The following AUTS2 variants were observed in gnomAD, a reference collection of about 807,000 sequenced individuals.
AUTS2 encodes activator of transcription and developmental regulator AUTS2, also known as autism susceptibility gene 2 protein.
A neutral mutation model predicts 112.4 loss-of-function variants in AUTS2; 17 were observed. That is an observed-to-expected ratio of 0.15 (90% CI 0.10 to 0.23). The LOEUF is 0.23. Ranked by LOEUF, AUTS2 falls within the 10% of genes least tolerant of loss-of-function variation. The pLI, the probability that AUTS2 is intolerant of heterozygous loss-of-function variation, is 1.00. For missense variants in AUTS2, 1,510 were observed against 1,701.6 expected (o/e 0.89, Z 1.98); for synonymous variants, 751 against 702.7 (o/e 1.07, Z -1.09).
intron 6 of AUTS2, among the ~76,000 whole-genome samples, chr7:70,743,189 C>T (rs932105489): frequency 2.5e-4 from 38 of 152,124 alleles, no homozygotes; most frequent in Admixed American, 8.5e-4. Flanking sequence ...AAATCTGGGC[C>T]GGACACTGTG....
chr7:70,496,365 G>A (rs111161439), intron 5 of AUTS2, among the ~76,000 whole-genome samples: 3 of 88,164 alleles, frequency 3.4e-5, no homozygotes, highest in Admixed American at 1.5e-4. Flanking sequence ...CATCAGCGTC[G>A]ATCACACACC....
intron 5 of AUTS2, among the ~76,000 whole-genome samples, chr7:70,456,993 C>A (rs1304377000): frequency 2.0e-5 from 3 of 152,180 alleles, no homozygotes. Context: ...TTCATCTCCA[C>A]CCCCAAGCAG....
In AUTS2 at chr7:70,462,944, C is replaced by T. The variant is rs141786897; in HGVS notation, c.690+27163C>T. On this transcript the variant is annotated intron_variant, in intron 5 of 18. Coordinates refer to ENST00000342771, the MANE Select transcript of AUTS2 (RefSeq NM_015570.4). ...CTGCACTCCAGCCTGGGTGACAGAG[C>T]GAGACTCCGTCTCAAAAAAAAAAAA... Among the ~76,000 whole-genome samples the T allele has an allele frequency of 3.9e-3, 588 of 150,342 alleles. 6 individuals carry two copies. The highest frequency in any genetic ancestry group is 0.013 in the African/African-American group (529 of 41,068).
At chr7:69,683,286 A>G (rs1796892814) in intron 1 of AUTS2, among the ~76,000 whole-genome samples, 1 of 152,188 alleles carries the variant, frequency 6.6e-6, no homozygotes, top group Admixed American at 6.5e-5. Flanking sequence ...GCTGGTCGCC[A>G]TGATGTCCTG....
At chr7:69,908,201 G>A (rs7781664) in intron 2 of AUTS2, among the ~76,000 whole-genome samples, 12,553 of 152,164 alleles carry the variant, frequency 0.082, 666 homozygotes, top group African/African-American at 0.14. Flanking sequence ...GAGCCCCCGA[G>A]GCTTGGGGTG....
chr7:69,904,017 T>C (rs1400357376), intron 2 of AUTS2, among the ~76,000 whole-genome samples: 1 of 152,200 alleles, frequency 6.6e-6, no homozygotes, highest in Non-Finnish European at 1.5e-5. Flanking sequence ...AGAAGAGGAA[T>C]CCATCCCAGT....
intron 1 of AUTS2, among the ~76,000 whole-genome samples, chr7:69,853,300 T>C (rs1402718257): frequency 6.6e-6 from 1 of 150,964 alleles, no homozygotes; most frequent in Non-Finnish European, 1.5e-5. Flanking sequence ...CTTCACACTT[T>C]ACAACTCCAT....
chr7:69,693,760 G>A (rs1797443293), intron 1 of AUTS2, among the ~76,000 whole-genome samples: 1 of 152,182 alleles, frequency 6.6e-6, no homozygotes. Flanking sequence ...GCTAGTTAGC[G>A]ATAAAGCTGG....
At chr7:70,248,675 T>A (rs1022137159) in intron 4 of AUTS2, among the ~76,000 whole-genome samples, 2 of 152,222 alleles carry the variant, frequency 1.3e-5, no homozygotes, top group Non-Finnish European at 2.9e-5. Flanking sequence ...TGTTTCTTCT[T>A]ACTTCATTTT....
intron 5 of AUTS2, among the ~76,000 whole-genome samples, chr7:70,603,735 G>T (rs1468359706): frequency 6.6e-6 from 1 of 152,310 alleles, no homozygotes; most frequent in African/African-American, 2.4e-5. Flanking sequence ...GAGCAACAGG[G>T]AAAATACTTT....
At chr7:70,024,535 C>A (rs1048128286) in intron 2 of AUTS2, among the ~76,000 whole-genome samples, 1 of 152,050 alleles carries the variant, frequency 6.6e-6, no homozygotes, top group African/African-American at 2.4e-5. Context: ...TTTTTCTTTT[C>A]TGTCTCTTTA....
chr7:70,486,079 A>G (rs1797986077), intron 5 of AUTS2, among the ~76,000 whole-genome samples: 1 of 152,214 alleles, frequency 6.6e-6, no homozygotes, highest in African/African-American at 2.4e-5. Context: ...CTGTTTTGCA[A>G]GGGTTGATGA....
intron 2 of AUTS2, among the ~76,000 whole-genome samples, chr7:69,978,999 T>G (rs539927759): frequency 5.1e-4 from 78 of 152,156 alleles, no homozygotes; most frequent in Non-Finnish European, 8.2e-4. Context: ...GTACTCTAGC[T>G]TAGCCTTTAA....
At chr7:70,102,577 C>A (rs1157018507) in intron 2 of AUTS2, among the ~76,000 whole-genome samples, 1 of 151,930 alleles carries the variant, frequency 6.6e-6, no homozygotes, top group Non-Finnish European at 1.5e-5. Context: ...TAGGTATAAG[C>A]ACTGGAATTT....
Position 70,771,635 on chromosome 7 carries a change from T to C in AUTS2, c.1821T>C (p.Phe607=). 1 of 1,613,766 alleles carries C rather than the reference T, an allele frequency of 6.2e-7. No homozygotes were observed. The highest frequency in any genetic ancestry group is 8.5e-7 in the Non-Finnish European group (1 of 1,179,716). The change falls in exon 11 of 19, where the codon TTT becomes TTC. Residue 607 remains phenylalanine, a synonymous_variant. Coordinates refer to ENST00000342771, the MANE Select transcript of AUTS2 (RefSeq NM_015570.4). ...TGPFGSLQGA[F]QPKTSNPIDV... is the part of the protein sequence containing the mutation. ...CTTTTGGTTCACTACAAGGAGCATTTCAGCCGAAGGTAAGAAACCTCACAG... is the reference window on the plus strand; with the variant it reads ...CTTTTGGTTCACTACAAGGAGCATTCCAGCCGAAGGTAAGAAACCTCACAG...
chr7:69,892,034 A>T (rs1232930581), intron 1 of AUTS2, among the ~76,000 whole-genome samples: 1 of 151,660 alleles, frequency 6.6e-6, no homozygotes, highest in African/African-American at 2.4e-5. Context: ...CTTGTGATCC[A>T]TCTGCCCTGG....
At chr7:70,430,828 CTTT>C (rs745358887) in intron 4 of AUTS2, among the ~76,000 whole-genome samples, 3 of 94,510 alleles carry the variant, frequency 3.2e-5, no homozygotes, top group African/African-American at 4.4e-5. Flanking sequence ...GCAGTGTCGC[CTTT>C]TTTTTTTTTT....
At chr7:69,987,206 C>T (rs1455802412) in intron 2 of AUTS2, among the ~76,000 whole-genome samples, 2 of 152,158 alleles carry the variant, frequency 1.3e-5, no homozygotes, top group African/African-American at 2.4e-5. Context: ...AATCGTAGGA[C>T]ATTGGATCCA....
chr7:70,154,109 A>G (rs1807607759), intron 4 of AUTS2, among the ~76,000 whole-genome samples: 1 of 152,230 alleles, frequency 6.6e-6, no homozygotes, highest in Admixed American at 6.5e-5. Flanking sequence ...GTACTTCTTT[A>G]AAGCAGACAT....
Sources: gnomAD v4.1 joint callset for allele counts (sites outside exome capture counted in the v4.1 genomes callset) on GRCh38, gnomAD v4.1.1 for gene constraint, MANE v1.5 for transcripts, NCBI Gene and HGNC (gene_info 2026-07-23, HGNC 2026-07-21) for gene names.